Variants in NCAM2 observed in about 807,000 individuals in gnomAD.
NCAM2 encodes the protein N-CAM-2.
In NCAM2, 30 loss-of-function variants were observed where a neutral mutation model predicts 98.1. That is an observed-to-expected ratio of 0.31 (90% CI 0.23 to 0.41). The LOEUF is 0.41. NCAM2 is among the 10% of genes least tolerant of loss of function. NCAM2 has a pLI of 1.00. For synonymous variants in NCAM2, 368 were observed against 342.4 expected, an observed-to-expected ratio of 1.07 and a Z score of -0.83; for missense variants, 867 against 1,005.8, an observed-to-expected ratio of 0.86 and a Z score of 1.87.
At chr21:21,360,443 C>G (rs2075614327) in intron 8 of NCAM2, among the ~76,000 whole-genome samples, 1 of 151,892 alleles carries the variant, frequency 6.6e-6, no homozygotes, top group African/African-American at 2.4e-5. Flanking sequence ...TTTTGTCTGA[C>G]TATCTAAGTC....
intron 10 of NCAM2, among the ~76,000 whole-genome samples, chr21:21,413,180 A>G (rs1465274862): frequency 1.3e-5 from 2 of 152,178 alleles, no homozygotes; most frequent in East Asian, 1.9e-4. Flanking sequence ...GGAAATTACA[A>G]AACTTTTCAA....
intron 1 of NCAM2, among the ~76,000 whole-genome samples, chr21:21,173,131 T>C (rs910318409): frequency 3.3e-5 from 5 of 152,136 alleles, no homozygotes; most frequent in African/African-American, 1.2e-4. Flanking sequence ...GTTGTAGAAA[T>C]GAATTAGAAA....
intron 8 of NCAM2, among the ~76,000 whole-genome samples, chr21:21,370,373 C>A (rs936221706): frequency 2.6e-5 from 4 of 151,754 alleles, no homozygotes; most frequent in African/African-American, 9.7e-5. Flanking sequence ...TGTTTTGTGT[C>A]TAATTTTTGA....
intron 10 of NCAM2, among the ~76,000 whole-genome samples, chr21:21,411,861 T>A (rs1434695298): frequency 6.6e-6 from 1 of 152,192 alleles, no homozygotes; most frequent in East Asian, 1.9e-4. Flanking sequence ...TGGTTGGTAA[T>A]TAAACCGCTA....
At chr21:21,213,030 A>G (rs533566508) in intron 1 of NCAM2, among the ~76,000 whole-genome samples, 58 of 152,190 alleles carry the variant, frequency 3.8e-4, no homozygotes, top group South Asian at 1.9e-3. Context: ...ATGAGCCACC[A>G]CGCCTGACCT....
chr21:21,006,881 G>C (rs1270282366), intron 1 of NCAM2, among the ~76,000 whole-genome samples: 3 of 152,138 alleles, frequency 2.0e-5, no homozygotes, highest in Non-Finnish European at 4.4e-5. Flanking sequence ...TGCCCTTCAG[G>C]TCTTGCATCC....
chr21:21,344,661 T>G (rs555895723), intron 8 of NCAM2, among the ~76,000 whole-genome samples: 1 of 152,226 alleles, frequency 6.6e-6, no homozygotes, highest in Non-Finnish European at 1.5e-5. Context: ...AGTCTCTGAC[T>G]CCTAGACAGC....
chr21:21,169,536 A>T (rs1277529636), intron 1 of NCAM2, among the ~76,000 whole-genome samples: 1 of 152,222 alleles, frequency 6.6e-6, no homozygotes, highest in African/African-American at 2.4e-5. Context: ...TTTGCACAAG[A>T]TACATCTGAT....
At chr21:21,246,741 C>G (rs915298598) in intron 1 of NCAM2, among the ~76,000 whole-genome samples, 3 of 152,136 alleles carry the variant, frequency 2.0e-5, no homozygotes, top group African/African-American at 7.2e-5. Context: ...TTTTCTCACT[C>G]TCAATATTTG....
At chr21:21,389,162 C>A (rs961106881) in intron 9 of NCAM2, among the ~76,000 whole-genome samples, 2 of 152,180 alleles carry the variant, frequency 1.3e-5, no homozygotes, top group Non-Finnish European at 2.9e-5. Flanking sequence ...CACAGTTCCA[C>A]ATGGGTGGGG....
chr21:21,432,823 G>A (rs187209763), intron 12 of NCAM2, among the ~76,000 whole-genome samples: 8 of 151,942 alleles, frequency 5.3e-5, no homozygotes, highest in Admixed American at 5.2e-4. Context: ...ATCGTCTTAT[G>A]AAAATGTAGT....
intron 1 of NCAM2, among the ~76,000 whole-genome samples, chr21:21,154,839 T>C (rs889460308): frequency 1.3e-5 from 2 of 151,862 alleles, no homozygotes; most frequent in Non-Finnish European, 2.9e-5. Flanking sequence ...CCAGACATCT[T>C]GGAGCCAGCA....
intron 1 of NCAM2, among the ~76,000 whole-genome samples, chr21:21,112,895 G>A (rs571306302): frequency 2.0e-5 from 3 of 152,272 alleles, no homozygotes; most frequent in Non-Finnish European, 2.9e-5. Flanking sequence ...CACTGGCTTC[G>A]TAGGATTGGT....
rs545370790 is a variant in NCAM2, at chr21:21,468,615, G to C, written c.1775-47G>C. 5 of 1,540,042 alleles carry C rather than the reference G, an allele frequency of 3.2e-6. No individual in the cohort carries two copies. In the East Asian group the frequency reaches 9.2e-5, roughly 28 times the overall value. On this transcript the variant is annotated intron_variant, in intron 13 of 17. Coordinates refer to ENST00000400546, the MANE Select transcript of NCAM2 (RefSeq NM_004540.5). Reference sequence around the variant, plus strand: ...TTTTATTAAAATATAGTTTATCTAGGTATCTGAAATGTGTGCAAATGAAGA... The same window carrying C: ...TTTTATTAAAATATAGTTTATCTAGCTATCTGAAATGTGTGCAAATGAAGA...
chr21:21,034,314 G>T (rs1245377071), intron 1 of NCAM2, among the ~76,000 whole-genome samples: 1 of 152,120 alleles, frequency 6.6e-6, no homozygotes, highest in Non-Finnish European at 1.5e-5. Context: ...ACAAAAAAAG[G>T]TTGATGTTTG....
intron 1 of NCAM2, among the ~76,000 whole-genome samples, chr21:21,254,701 TAATGG>T (rs1044628349): frequency 4.6e-5 from 7 of 152,158 alleles, no homozygotes; most frequent in African/African-American, 1.7e-4. Context: ...TAAAGAGCTG[TAATGG>T]AACAGGATAC....
chr21:21,127,811 A>C (rs1419431798), intron 1 of NCAM2, among the ~76,000 whole-genome samples: 1 of 152,112 alleles, frequency 6.6e-6, no homozygotes, highest in Non-Finnish European at 1.5e-5. Context: ...CGAATATTTC[A>C]TTGTGTATAT....
intron 1 of NCAM2, among the ~76,000 whole-genome samples, chr21:21,091,409 T>G (rs960971646): frequency 3.3e-5 from 5 of 152,198 alleles, no homozygotes; most frequent in African/African-American, 1.2e-4. Context: ...TTTTTCAATT[T>G]TTTTAATTGA....
intron 1 of NCAM2, among the ~76,000 whole-genome samples, chr21:21,138,587 T>G (rs2067107589): frequency 6.6e-6 from 1 of 152,178 alleles, no homozygotes; most frequent in Non-Finnish European, 1.5e-5. Flanking sequence ...TTTTTAACAT[T>G]ATTGCCATCC....
Sources: gnomAD v4.1 joint callset for allele counts (sites outside exome capture counted in the v4.1 genomes callset) on GRCh38, gnomAD v4.1.1 for gene constraint, MANE v1.5 for transcripts, NCBI Gene and HGNC (gene_info 2026-07-23, HGNC 2026-07-21) for gene names.